TMEM117: variants seen among roughly 807,000 people sequenced by gnomAD.
TMEM117 encodes transmembrane protein 117.
In TMEM117, 27 loss-of-function variants were observed where a neutral mutation model predicts 52.4. That is an observed-to-expected ratio of 0.51 (90% CI 0.38 to 0.71). The LOEUF is 0.71. Ranked by LOEUF, TMEM117 falls within the 30% of genes least tolerant of loss-of-function variation. The pLI is 0.00. For missense variants in TMEM117, 556 were observed against 630.5 expected (o/e 0.88, Z 1.26); for synonymous variants, 215 against 206.3 (o/e 1.04, Z -0.36).
At chr12:44,191,396 T>C (rs1203672727) in intron 4 of TMEM117, among the ~76,000 whole-genome samples, 1 of 152,126 alleles carries the variant, frequency 6.6e-6, no homozygotes, top group Non-Finnish European at 1.5e-5. Flanking sequence ...TCTATCTATG[T>C]ATCAATCATT....
chr12:44,029,257 G>GAGTCCTTCTCGTTTA (rs1946593308), intron 3 of TMEM117, among the ~76,000 whole-genome samples: 1 of 152,202 alleles, frequency 6.6e-6, no homozygotes, highest in South Asian at 2.1e-4. Flanking sequence ...CCTCTTGGTA[G>GAGTCCTTCTCGTTTA]AGTCCTTCTC....
chr12:43,844,729 C>T lies in TMEM117; in HGVS notation c.78C>T (p.Asn26=), dbSNP rs1218282629. The change falls in exon 2 of 8, where the codon AAC becomes AAT. Residue 26 remains asparagine (N), a synonymous_variant. Transcript: ENST00000266534. ...MIVAYLVIFF[N]FLIFAEDPVS... ...TGGCTTACTTGGTGATCTTCTTTAA[C>T]TTCTTAATATTTGCGGAGGACCCAG... 1.9e-6 allele frequency: 3 copies of T among 1,614,064 alleles called. No individual in the cohort carries two copies. Among genetic ancestry groups the T allele is most frequent in the Admixed American group, 1.7e-5 (1 of 60,000 alleles).
chr12:44,268,525 A>T (rs1476725908), intron 5 of TMEM117, among the ~76,000 whole-genome samples: 3 of 152,124 alleles, frequency 2.0e-5, no homozygotes, highest in African/African-American at 7.2e-5. Flanking sequence ...AGTTTATCAT[A>T]TATAGAAGAG....
At chr12:44,330,168 T>A (rs1951250066) in intron 6 of TMEM117, among the ~76,000 whole-genome samples, 1 of 152,100 alleles carries the variant, frequency 6.6e-6, no homozygotes, top group Non-Finnish European at 1.5e-5. Flanking sequence ...ATTTTCTGGA[T>A]TTTTCTGGAT....
the TMEM117 span, chr12:43,797,160 A>G: frequency 2.0e-6 from 3 of 1,499,482 alleles, no homozygotes; most frequent in African/African-American, 4.3e-5. Flanking sequence ...ATAAAACTAC[A>G]TATATAAACT....
At chr12:43,842,848 A>G (rs1943137824) in intron 1 of TMEM117, among the ~76,000 whole-genome samples, 1 of 152,130 alleles carries the variant, frequency 6.6e-6, no homozygotes, top group South Asian at 2.1e-4. Flanking sequence ...CATTTAAGGG[A>G]TGGCATCCCT....
At chr12:44,312,707 T>C (rs1362919422) in intron 6 of TMEM117, among the ~76,000 whole-genome samples, 5 of 152,232 alleles carry the variant, frequency 3.3e-5, no homozygotes, top group Non-Finnish European at 7.3e-5. Context: ...CCAAAGGGGC[T>C]GAACTAATTT....
At chr12:43,886,805 C>T (rs904271381) in intron 2 of TMEM117, among the ~76,000 whole-genome samples, 1 of 152,062 alleles carries the variant, frequency 6.6e-6, no homozygotes, top group Non-Finnish European at 1.5e-5. Context: ...CCCAGAAAGG[C>T]CCCAGTGTGA....
At chr12:44,365,871 G>C (rs913059011) in intron 6 of TMEM117, among the ~76,000 whole-genome samples, 2 of 151,928 alleles carry the variant, frequency 1.3e-5, no homozygotes, top group Admixed American at 1.3e-4. Context: ...CAGTAATGTG[G>C]AGGGAAATGT....
chr12:44,368,575 T>C (rs1951821765), intron 6 of TMEM117, among the ~76,000 whole-genome samples: 1 of 152,142 alleles, frequency 6.6e-6, no homozygotes, highest in Non-Finnish European at 1.5e-5. Flanking sequence ...AGGACAATAA[T>C]ACCTACTTTT....
intron 3 of TMEM117, among the ~76,000 whole-genome samples, chr12:44,099,320 A>G (rs566188108): frequency 2.0e-4 from 30 of 152,044 alleles, no homozygotes; most frequent in Non-Finnish European, 3.8e-4. Flanking sequence ...GCAGGTGACC[A>G]TTGCCCTTTG....
chr12:43,854,954 A>G (rs1377691901), intron 2 of TMEM117, among the ~76,000 whole-genome samples: 1 of 152,200 alleles, frequency 6.6e-6, no homozygotes, highest in Non-Finnish European at 1.5e-5. Context: ...ACCACTTCTT[A>G]TCCAAAACCT....
rs568479960 is a variant in TMEM117, at chr12:44,350,982, C to T, written c.769-25613C>T. ...TTGTACTACTTTACATTCCCACCAA[C>T]AGTGTACAAGGGTTCCCCTAGTCTC... On this transcript the variant is annotated intron_variant, in intron 6 of 7. Coordinates refer to ENST00000266534, the MANE Select transcript of TMEM117 (RefSeq NM_032256.3). Among the ~76,000 whole-genome samples, 3 of 152,176 alleles carry T rather than the reference C, an allele frequency of 2.0e-5. No individual in the cohort carries two copies. The East Asian group carries it at 5.8e-4, about 29-fold the overall frequency.
In TMEM117 at chr12:44,091,018, A is replaced by G. The variant is rs1947662987; in HGVS notation, c.411-52507A>G. Among the ~76,000 whole-genome samples the G allele has an allele frequency of 3.3e-5, 5 of 151,998 alleles. No individual in the cohort carries two copies. The South Asian group carries it at 1.0e-3, about 32-fold the overall frequency. ...CTCAGAAAAATATTTTGTGACTTACATATTAGTCCGTTTTCATGCTGCTGA... is the reference window on the plus strand; with the variant it reads ...CTCAGAAAAATATTTTGTGACTTACGTATTAGTCCGTTTTCATGCTGCTGA... On this transcript the variant is annotated intron_variant, in intron 3 of 7. Transcript: ENST00000266534.
intron 5 of TMEM117, among the ~76,000 whole-genome samples, chr12:44,267,424 A>G (rs1179259962): frequency 6.6e-6 from 1 of 152,152 alleles, no homozygotes; most frequent in African/African-American, 2.4e-5. Context: ...TGAATTTGGA[A>G]ATAAGAATAC....
At chr12:44,311,243 C>T (rs2138669803) in intron 6 of TMEM117, among the ~76,000 whole-genome samples, 1 of 151,768 alleles carries the variant, frequency 6.6e-6, no homozygotes, top group East Asian at 1.9e-4. Flanking sequence ...GAGAGATTAC[C>T]GTTTGTTCAA....
At chr12:44,206,422 A>T (rs1949567868) in intron 4 of TMEM117, among the ~76,000 whole-genome samples, 1 of 152,156 alleles carries the variant, frequency 6.6e-6, no homozygotes, top group African/African-American at 2.4e-5. Context: ...CCAGTTTCTC[A>T]TGGCCTGTTT....
chr12:43,896,797 C>A (rs1280516424), intron 2 of TMEM117, among the ~76,000 whole-genome samples: 1 of 152,130 alleles, frequency 6.6e-6, no homozygotes, highest in African/African-American at 2.4e-5. Context: ...CAATTGCTGA[C>A]CCACAGCTTA....
At chr12:44,139,925 G>T (rs931087994) in intron 3 of TMEM117, among the ~76,000 whole-genome samples, 2 of 152,120 alleles carry the variant, frequency 1.3e-5, no homozygotes, top group Non-Finnish European at 2.9e-5. Context: ...AATGTTAATG[G>T]ATATGCAAAT....
Sources: gnomAD v4.1 joint callset for allele counts (sites outside exome capture counted in the v4.1 genomes callset) on GRCh38, gnomAD v4.1.1 for gene constraint, MANE v1.5 for transcripts, NCBI Gene and HGNC (gene_info 2026-07-23, HGNC 2026-07-21) for gene names.